Variants in ENO2 observed in about 807,000 individuals in gnomAD.
ENO2 encodes gamma-enolase.
A neutral mutation model predicts 48.7 loss-of-function variants in ENO2; 19 were observed. The ratio of observed to expected loss-of-function variants is 0.39; its 90% CI spans 0.27 to 0.57. The LOEUF is 0.57. Among genes scored for constraint, ENO2 ranks in the 20% least tolerant of loss-of-function variants. The pLI is 0.58. For synonymous variants in ENO2, 198 were observed against 213.4 expected, an observed-to-expected ratio of 0.93 and a Z score of 0.63; for missense variants, 416 against 555.0, an observed-to-expected ratio of 0.75 and a Z score of 2.52.
At position 6,921,882 on chromosome 12, in the gene ENO2, G is replaced by C. The variant is rs1052868624; in HGVS notation, c.1067+100G>C. On this transcript the variant is annotated intron_variant, in intron 9 of 11. Coordinates refer to ENST00000229277, the MANE Select transcript of ENO2 (RefSeq NM_001975.3). ...TCTACCCAGGGGTGCCAAAGAGAGC[G>C]GGGAACCTGGAATCATCCTCACAGT... The C allele has an allele frequency of 2.6e-6, 4 of 1,529,856 alleles. No homozygotes were observed. The East Asian group carries it at 7.1e-5, about 27-fold the overall frequency. 94.8% of individuals were successfully genotyped at this position (1,529,856 alleles called of 1,614,324 possible).
chr12:6,917,368 G>C, intron 5 of ENO2: 2 of 720,200 alleles, frequency 2.8e-6, no homozygotes, highest in Non-Finnish European at 4.5e-6. Flanking sequence ...TTTAGAAAGA[G>C]GTGTGGCTCT....
chr12:6,920,413 T>C (rs1201504093), intron 8 of ENO2, among the ~76,000 whole-genome samples: 4 of 151,874 alleles, frequency 2.6e-5, no homozygotes, highest in East Asian at 1.9e-4. Context: ...TGTTTTTTTT[T>C]TTTGAGACAG....
At position 6,919,591 on chromosome 12, in the gene ENO2, C is replaced by T. The variant is rs558495024; in HGVS notation, c.693C>T (p.Ile231=). The T allele has an allele frequency of 7.4e-6, 12 of 1,614,080 alleles. No homozygotes were observed. The highest frequency in any genetic ancestry group is 2.2e-5 in the East Asian group (1 of 44,876). ...CCTTGGAGCTGGTGAAGGAAGCCAT[C>T]GACAAGGCTGGCTACACGGAAAAGA... The part of the protein sequence containing the change: ...SEALELVKEA[I]DKAGYTEKIV... The change falls in exon 8 of 12, where the codon ATC becomes ATT. Residue 231 remains isoleucine, a synonymous_variant. Transcript: ENST00000229277.
chr12:6,915,814 C>G lies in ENO2; in HGVS notation c.-12-7C>G. 6 of 1,613,100 alleles carry G rather than the reference C, an allele frequency of 3.7e-6. No homozygotes were observed. The highest frequency in any genetic ancestry group is 3.4e-6 in the Non-Finnish European group (4 of 1,179,430). ...TCTTTCTCCTTCCTTCCCTTCCACC[C>G]GAGGAGATCCCAGCCATCATGTCCA... is the stretch of plus-strand genomic sequence containing the variant. On this transcript the variant is annotated splice_polypyrimidine_tract_variant and splice_region_variant and intron_variant, in intron 1 of 11. Coordinates refer to ENST00000229277, the MANE Select transcript of ENO2 (RefSeq NM_001975.3).
Position 6,916,648 on chromosome 12 carries a change from G to T in ENO2, c.182-23G>T, listed in dbSNP as rs782182063. On this transcript the variant is annotated intron_variant, in intron 3 of 11. Transcript: ENST00000229277. The surrounding 1 kb of genome is among the most constrained non-coding windows in gnomAD (Gnocchi z 4.5). The stretch of plus-strand genomic sequence containing the variant: ...TTCCGGCCCCTCCTGGCCCGACCCA[G>T]TCCAGCCTCTTCCTTTCCCCAGGTG... 1.9e-6 allele frequency: 3 copies of T among 1,614,052 alleles called. No individual in the cohort carries two copies. In the Admixed American group the frequency reaches 5.0e-5, roughly 27 times the overall value.
chr12:6,919,625 G>A lies in ENO2; in HGVS notation c.727G>A (p.Gly243Ser), dbSNP rs1555141929. The A allele has an allele frequency of 6.2e-7, 1 of 1,614,114 alleles. No homozygotes were observed. Residue 243 changes from glycine to serine, a missense_variant, in exon 8 of 12, where the codon GGC (glycine) becomes AGC (serine). Transcript: ENST00000229277. ...TGGCTACACGGAAAAGATCGTTATT[G>A]GCATGGATGTTGCTGCCTCAGAGTT... is the stretch of plus-strand genomic sequence containing the variant. ...KAGYTEKIVI[G>S]MDVAASEFYR...
At position 6,922,553 on chromosome 12, in the gene ENO2, T is replaced by C; in HGVS notation, c.1235+151T>C. 2 of 1,295,712 alleles carry C rather than the reference T, an allele frequency of 1.5e-6. No homozygotes were observed. Among genetic ancestry groups the C allele is most frequent in the Non-Finnish European group, 1.1e-6 (1 of 902,916 alleles). The allele number at this position is 1,295,712 out of a possible 1,614,324, so 80.3% of individuals were successfully genotyped here. ...TATTGGTTTTTGCTTCCTGGGTTTA[T>C]TGATGGCCTGATTGACAAATCCCAG... On this transcript the variant is annotated intron_variant, in intron 11 of 11. Transcript: ENST00000229277. The surrounding 1 kb of genome is among the most constrained non-coding windows in gnomAD (Gnocchi z 5.3).
chr12:6,921,320 G>A (rs1321668434), intron 8 of ENO2, among the ~76,000 whole-genome samples: 2 of 152,044 alleles, frequency 1.3e-5, no homozygotes, highest in Non-Finnish European at 2.9e-5. Flanking sequence ...CTTGATTGGG[G>A]AGGTGGAGGT....
rs1555141726 is a variant in ENO2, at chr12:6,917,574, C to T, written c.311-7C>T. The T allele has an allele frequency of 4.3e-6, 7 of 1,611,270 alleles. No individual in the cohort carries two copies. In the East Asian group the frequency reaches 1.1e-4, roughly 26 times the overall value. On this transcript the variant is annotated splice_polypyrimidine_tract_variant and splice_region_variant and intron_variant, in intron 5 of 11. Transcript: ENST00000229277. Reference sequence around the variant, plus strand: ...TGTGCTCAGCACCTTCCTCTATAATCTCCTAGCCAAGTTTGGGGCCAATGC... The same window carrying T: ...TGTGCTCAGCACCTTCCTCTATAATTTCCTAGCCAAGTTTGGGGCCAATGC...
At chr12:6,918,299 T>TA in intron 7 of ENO2, 137 bp downstream of exon 7, 2 of 837,572 alleles carry the variant, frequency 2.4e-6, no homozygotes, top group Non-Finnish European at 3.6e-6. Context: ...TACCAGTTCT[T>TA]AGAGTGGATT....
rs782019290 is a variant in ENO2, at chr12:6,923,034, T to C, written c.*234T>C. On this transcript the variant is annotated 3_prime_UTR_variant, in exon 12 of 12. Transcript: ENST00000229277. ...GCACTTTCCACTTCTTCCTTTCTCT[T>C]TCTCTCTTCCCTCAGAAACTAGAAA... The C allele has an allele frequency of 5.9e-6, 3 of 511,590 alleles. No homozygotes were observed. In the East Asian group the frequency reaches 9.7e-5, roughly 16 times the overall value. The allele number at this position is 511,590 out of a possible 1,614,324, so 31.7% of individuals were successfully genotyped here. A position where few individuals can be genotyped will look rare whatever the true frequency, so the allele number is the denominator to read the frequency against.
Position 6,916,338 on chromosome 12 carries a change from A to G in ENO2, c.86-79A>G. ...AGAGAGCTAGATGTGGTAGGCAGGC[A>G]GTTTAGAGCCAGAAGGCTGAAGGAC... On this transcript the variant is annotated intron_variant, in intron 2 of 11. Transcript: ENST00000229277. The surrounding 1 kb of genome is among the most constrained non-coding windows in gnomAD (Gnocchi z 4.5). The G allele has an allele frequency of 7.4e-7, 1 of 1,353,260 alleles. No individual in the cohort carries two copies. The highest frequency in any genetic ancestry group is 1.3e-5 in the South Asian group (1 of 75,924). 83.8% of individuals were successfully genotyped at this position (1,353,260 alleles called of 1,614,324 possible). A position where few individuals can be genotyped will look rare whatever the true frequency, so the allele number is the denominator to read the frequency against.
Position 6,922,423 on chromosome 12 carries a change from A to T in ENO2, c.1235+21A>T. 6.2e-7 allele frequency: 1 copy of T among 1,613,658 alleles called. No individual in the cohort carries two copies. The highest frequency in any genetic ancestry group is 8.5e-7 in the Non-Finnish European group (1 of 1,179,938). Reference sequence around the variant, plus strand: ...ATGAGGTGAGGGTCCCTGGGGTGGGAGCCCCTGGCCCAGATGGCTAAAGGC... The same window carrying T: ...ATGAGGTGAGGGTCCCTGGGGTGGGTGCCCCTGGCCCAGATGGCTAAAGGC... On this transcript the variant is annotated intron_variant, in intron 11 of 11. Transcript: ENST00000229277. This position sits in a 1 kb window ranked among gnomAD's most constrained non-coding sequence, Gnocchi z 5.3.
chr12:6,915,007 A>G (rs1945274415), intron 1 of ENO2, among the ~76,000 whole-genome samples: 1 of 151,616 alleles, frequency 6.6e-6, no homozygotes, highest in Non-Finnish European at 1.5e-5. Flanking sequence ...GCATTTGGGG[A>G]AATGTCTTCT....
chr12:6,921,450 T>G, intron 8 of ENO2, 131 bp from the exon 9 acceptor site: 1 of 887,612 alleles, frequency 1.1e-6, no homozygotes, highest in Non-Finnish European at 1.8e-6. Flanking sequence ...GGATTTGTCT[T>G]AGCAAGGATG....
chr12:6,921,518 G>A lies in ENO2; in HGVS notation c.866-63G>A, dbSNP rs781938815. 1.3e-4 allele frequency: 196 copies of A among 1,546,598 alleles called. 1 individual carries two copies. In the Middle Eastern group the frequency reaches 2.2e-3, roughly 17 times the overall value. ...TCAGGGAATAAAGGGGCATGTTCCT[G>A]CCTGATGTAGAGACCCAGGGAAGAT... On this transcript the variant is annotated intron_variant, in intron 8 of 11. Transcript: ENST00000229277.
In ENO2 at chr12:6,922,908, C is replaced by T. The variant is rs891221101; in HGVS notation, c.*108C>T. 8 of 1,209,122 alleles carry T rather than the reference C, an allele frequency of 6.6e-6. No individual in the cohort carries two copies. In the African/African-American group the frequency reaches 1.2e-4, roughly 18 times the overall value. The allele number at this position is 1,209,122 out of a possible 1,614,324, so 74.9% of individuals were successfully genotyped here. On this transcript the variant is annotated 3_prime_UTR_variant, in exon 12 of 12. Transcript: ENST00000229277. This position sits in a 1 kb window ranked among gnomAD's most constrained non-coding sequence, Gnocchi z 5.3. ...TGAGATCCCCTGAGCCCCAGGGTGCCCAGAACTTCCCTGATTGACCTGCTC... is the reference window on the plus strand; with the variant it reads ...TGAGATCCCCTGAGCCCCAGGGTGCTCAGAACTTCCCTGATTGACCTGCTC...
Position 6,922,896 on chromosome 12 carries a change from G to A in ENO2, c.*96G>A, listed in dbSNP as rs1311512378. Reference sequence around the variant, plus strand: ...TAGTTCACCCCCTGAGATCCCCTGAGCCCCAGGGTGCCCAGAACTTCCCTG... The same window carrying A: ...TAGTTCACCCCCTGAGATCCCCTGAACCCCAGGGTGCCCAGAACTTCCCTG... On this transcript the variant is annotated 3_prime_UTR_variant, in exon 12 of 12. Transcript: ENST00000229277. This position sits in a 1 kb window ranked among gnomAD's most constrained non-coding sequence, Gnocchi z 5.3. 8 of 1,396,702 alleles carry A rather than the reference G, an allele frequency of 5.7e-6. No homozygotes were observed. Among genetic ancestry groups the A allele is most frequent in the Non-Finnish European group, 8.0e-6 (8 of 994,788 alleles). The allele number at this position is 1,396,702 out of a possible 1,614,324, so 86.5% of individuals were successfully genotyped here.
chr12:6,921,405 A>T, intron 8 of ENO2, 176 bp from the exon 9 acceptor site: 2 of 617,702 alleles, frequency 3.2e-6, no homozygotes, highest in Non-Finnish European at 5.6e-6. Context: ...AAAAAAAAAA[A>T]GTTAAGAATC....
Sources: allele counts gnomAD v4.1 joint callset (sites outside exome capture counted in the v4.1 genomes callset), GRCh38; gene constraint gnomAD v4.1.1; non-coding constraint Gnocchi (gnomAD v3.1); transcripts MANE v1.5; gene names NCBI Gene and HGNC (gene_info 2026-07-23, HGNC 2026-07-21).